Variants in SCAPER observed in about 807,000 individuals in gnomAD.
SCAPER encodes the protein S-phase cyclin A associated protein in the ER.
Under a neutral mutation model 182.2 loss-of-function variants are expected in SCAPER, and 98 were observed. The ratio of observed to expected loss-of-function variants is 0.54; its 90% confidence interval spans 0.46 to 0.64. The LOEUF is 0.64. Among genes scored for constraint, SCAPER ranks in the 30% least tolerant of loss-of-function variants. SCAPER has a pLI of 0.00. For missense variants in SCAPER, 1,432 were observed against 1,690.0 expected (o/e 0.85, Z 2.68); for synonymous variants, 605 against 564.6 (o/e 1.07, Z -1.01).
At chr15:76,880,590 T>C (rs531078690) in intron 2 of SCAPER, among the ~76,000 whole-genome samples, 1 of 152,258 alleles carries the variant, frequency 6.6e-6, no homozygotes, top group South Asian at 2.1e-4. Flanking sequence ...AGAGTCACAA[T>C]TGGCAGATAA....
rs1272592337 is a variant in SCAPER at position 76,630,877 on chromosome 15, C to T, written c.2646-9048G>A. ...TTAATTTTCTGTCTTGATGATCTGT[C>T]TGATATTGACAGTGGAGTGTTAAAG... On this transcript the variant is annotated intron_variant, in intron 21 of 31. Coordinates refer to ENST00000563290, the MANE Select transcript of SCAPER (RefSeq NM_020843.4). Among the ~76,000 whole-genome samples the T allele has an allele frequency of 3.3e-5, 5 of 152,126 alleles. No homozygotes were observed. In the South Asian group the frequency reaches 1.0e-3, roughly 32 times the overall value.
chr15:76,498,413 AAG>A (rs2040808103), intron 24 of SCAPER: 1 of 152,158 alleles, frequency 6.6e-6, no homozygotes, highest in African/African-American at 2.4e-5. Context: ...ACACAACACA[AAG>A]AGAGGGAAAC....
chr15:76,534,870 T>C (rs1410341211), intron 23 of SCAPER, among the ~76,000 whole-genome samples: 1 of 152,206 alleles, frequency 6.6e-6, no homozygotes, highest in Non-Finnish European at 1.5e-5. Context: ...TGTTTGTCTA[T>C]AAATGTTTAT....
chr15:76,475,833 G>A (rs1174525941), intron 24 of SCAPER, among the ~76,000 whole-genome samples: 5 of 152,126 alleles, frequency 3.3e-5, no homozygotes, highest in Non-Finnish European at 7.4e-5. Context: ...AATGAGCTAA[G>A]AAACAAGTAA....
At chr15:76,890,239 A>G (rs2074088761) in intron 1 of SCAPER, among the ~76,000 whole-genome samples, 2 of 152,234 alleles carry the variant, frequency 1.3e-5, no homozygotes, top group Admixed American at 6.5e-5. Flanking sequence ...TCTGCACCCT[A>G]ACAACACAAT....
At chr15:76,815,346 T>C (rs1006905167) in intron 5 of SCAPER, among the ~76,000 whole-genome samples, 1 of 152,324 alleles carries the variant, frequency 6.6e-6, no homozygotes, top group Middle Eastern at 3.4e-3. Context: ...ATAGCCAAGA[T>C]ATGGAAACAA....
At chr15:76,587,489 T>C (rs930778661) in intron 22 of SCAPER, among the ~76,000 whole-genome samples, 2 of 152,208 alleles carry the variant, frequency 1.3e-5, no homozygotes, top group Non-Finnish European at 2.9e-5. Context: ...GTCACTGTTA[T>C]TGTTCAGTTC....
intron 26 of SCAPER, among the ~76,000 whole-genome samples, chr15:76,426,838 T>C (rs1386389436): frequency 6.6e-6 from 1 of 152,122 alleles, no homozygotes; most frequent in Non-Finnish European, 1.5e-5. Context: ...ACTATAGTTA[T>C]CAAAACACCA....
At position 76,800,379 on chromosome 15, in the gene SCAPER, T is replaced by A; in HGVS notation, c.495-15A>T. On this transcript the variant is annotated splice_polypyrimidine_tract_variant and intron_variant, in intron 6 of 31. Transcript: ENST00000563290. ...ATGATGTTGGTCTGCGAATTCAATA[T>A]ATAAACCAGATTAAATTAACAGAGA... The A allele has an allele frequency of 6.8e-7, 1 of 1,465,432 alleles. No homozygotes were observed. Among genetic ancestry groups the A allele is most frequent in the South Asian group, 1.2e-5 (1 of 85,336 alleles). 90.8% of individuals were successfully genotyped at this position (1,465,432 alleles called of 1,614,324 possible). A position where few individuals can be genotyped will look rare whatever the true frequency, so the allele number is the denominator to read the frequency against.
At chr15:76,432,188 A>T (rs965094363) in intron 26 of SCAPER, among the ~76,000 whole-genome samples, 1 of 152,222 alleles carries the variant, frequency 6.6e-6, no homozygotes, top group South Asian at 2.1e-4. Flanking sequence ...GACATTCGTC[A>T]GCAGAGAGGG....
intron 8 of SCAPER, among the ~76,000 whole-genome samples, chr15:76,792,667 C>A (rs2065074777): frequency 6.6e-6 from 1 of 152,190 alleles, no homozygotes; most frequent in Non-Finnish European, 1.5e-5. Flanking sequence ...TAATGAGAGA[C>A]CATGTGAAGA....
At chr15:76,573,653 G>A (rs1317242138) in intron 23 of SCAPER, among the ~76,000 whole-genome samples, 10 of 151,980 alleles carry the variant, frequency 6.6e-5, no homozygotes. Context: ...TTTCTTCTTT[G>A]TACGTTTAAC....
chr15:76,621,404 C>CT (rs1271116091), intron 22 of SCAPER, among the ~76,000 whole-genome samples: 1 of 152,190 alleles, frequency 6.6e-6, no homozygotes, highest in Non-Finnish European at 1.5e-5. Context: ...CCAGCACAGC[C>CT]TTGCTTTGCC....
chr15:76,523,888 T>C (rs1429721709), intron 23 of SCAPER, among the ~76,000 whole-genome samples: 2 of 152,090 alleles, frequency 1.3e-5, no homozygotes, highest in East Asian at 1.9e-4. Flanking sequence ...GTAACTTTGG[T>C]GACTTCACTT....
chr15:76,435,454 C>T (rs1044645253), intron 25 of SCAPER, among the ~76,000 whole-genome samples: 2 of 152,198 alleles, frequency 1.3e-5, no homozygotes, highest in African/African-American at 4.8e-5. Flanking sequence ...TCATATACAT[C>T]AGTGATTCCT....
At chr15:76,480,973 C>T (rs370304833) in intron 24 of SCAPER, among the ~76,000 whole-genome samples, 2 of 152,098 alleles carry the variant, frequency 1.3e-5, no homozygotes, top group South Asian at 2.1e-4. Flanking sequence ...CCTTGTGATC[C>T]GCCCGGCTCG....
At chr15:76,512,766 A>G (rs576937843) in intron 23 of SCAPER, among the ~76,000 whole-genome samples, 1 of 152,200 alleles carries the variant, frequency 6.6e-6, no homozygotes, top group East Asian at 1.9e-4. Flanking sequence ...ACAGGACCAA[A>G]TAAGCCAATT....
chr15:76,599,093 C>G (rs1231941366), intron 22 of SCAPER, among the ~76,000 whole-genome samples: 3 of 118,914 alleles, frequency 2.5e-5, no homozygotes, highest in African/African-American at 5.1e-5. Flanking sequence ...GATAATTCAC[C>G]AAAAATGGCA....
intron 15 of SCAPER, among the ~76,000 whole-genome samples, chr15:76,745,507 A>T (rs2061747951): frequency 1.3e-5 from 2 of 152,090 alleles, no homozygotes; most frequent in Admixed American, 6.6e-5. Context: ...TACTATGCTC[A>T]TTACTAGGGT....
Sources: gnomAD v4.1 joint callset for allele counts (sites outside exome capture counted in the v4.1 genomes callset) on GRCh38, gnomAD v4.1.1 for gene constraint, MANE v1.5 for transcripts, NCBI Gene and HGNC (gene_info 2026-07-23, HGNC 2026-07-21) for gene names.